Variants in ADGRG6 observed in about 807,000 individuals in gnomAD.
The protein encoded by ADGRG6 is adhesion G protein-coupled receptor G6.
ADGRG6 carries 84 observed loss-of-function variants against 142.4 expected under a neutral mutation model. The ratio of observed to expected loss-of-function variants is 0.59; its 90% CI spans 0.49 to 0.71. ADGRG6 has a LOEUF of 0.71. Among genes scored for constraint, ADGRG6 ranks in the 30% least tolerant of loss-of-function variants. The pLI is 0.00. For synonymous variants in ADGRG6, 521 were observed against 520.5 expected (o/e 1.00, Z -0.01); for missense variants, 1,367 against 1,466.6 (o/e 0.93, Z 1.11).
intron 14 of ADGRG6, 138 bp from the exon 15 acceptor site, chr6:142,405,550 A>G (rs1326000629): frequency 1.4e-6 from 1 of 708,906 alleles, no homozygotes; most frequent in Non-Finnish European, 2.5e-6. Context: ...TGCAGTGACT[A>G]CTGTAGATAC....
chr6:142,308,548 A>T (rs1449283523), intron 1 of ADGRG6, among the ~76,000 whole-genome samples: 1 of 151,910 alleles, frequency 6.6e-6, no homozygotes, highest in African/African-American at 2.4e-5. Flanking sequence ...TGTAACCCTA[A>T]ACTATCTTAT....
chr6:142,351,457 G>C (rs774349387), intron 2 of ADGRG6, among the ~76,000 whole-genome samples: 1 of 152,026 alleles, frequency 6.6e-6, no homozygotes, highest in Non-Finnish European at 1.5e-5. Flanking sequence ...ATGGAGAAAG[G>C]ACTCCCCATT....
chr6:142,318,324 T>TTA (rs1214319785), intron 2 of ADGRG6, among the ~76,000 whole-genome samples: 3 of 93,898 alleles, frequency 3.2e-5, no homozygotes, highest in African/African-American at 1.4e-4. Flanking sequence ...TATTTATATA[T>TTA]TATATATATT....
At chr6:142,436,560 G>C (rs552634720) in intron 22 of ADGRG6, among the ~76,000 whole-genome samples, 1 of 152,078 alleles carries the variant, frequency 6.6e-6, no homozygotes, top group South Asian at 2.1e-4. Flanking sequence ...AAGTTTTATT[G>C]GGAAAAGGAA....
At chr6:142,334,565 T>C (rs868690234) in intron 2 of ADGRG6, among the ~76,000 whole-genome samples, 1 of 152,174 alleles carries the variant, frequency 6.6e-6, no homozygotes, top group African/African-American at 2.4e-5. Flanking sequence ...GACAATAAGA[T>C]GTGCCAACAG....
At chr6:142,302,380 C>T in intron 1 of ADGRG6, 49 bp downstream of exon 1, 1 of 1,600,812 alleles carries the variant, frequency 6.2e-7, no homozygotes, top group Non-Finnish European at 8.5e-7. Context: ...TTATCTGTGT[C>T]CACCTTCTGT....
chr6:142,393,176 G>A (rs1405029624), intron 8 of ADGRG6, among the ~76,000 whole-genome samples, 176 bp downstream of exon 8: 2 of 152,084 alleles, frequency 1.3e-5, no homozygotes, highest in African/African-American at 4.8e-5. Flanking sequence ...CCATGCTGCA[G>A]CGATGGTTTT....
chr6:142,370,152 T>C lies in ADGRG6; in HGVS notation c.446-18T>C, dbSNP rs368846531. On this transcript the variant is annotated intron_variant, in intron 3 of 24. Transcript: ENST00000367609. ...CTGAAGTTAACAGGTTTATCTTTCT[T>C]GTTATGTTTTGTCCTAGTTGCCGTG... 6.4e-7 allele frequency: 1 copy of C among 1,573,584 alleles called. No individual in the cohort carries two copies. Among genetic ancestry groups the C allele is most frequent in the Non-Finnish European group, 8.7e-7 (1 of 1,153,844 alleles).
At chr6:142,341,496 TTA>T (rs1188454267) in intron 2 of ADGRG6, among the ~76,000 whole-genome samples, 2 of 118,240 alleles carry the variant, frequency 1.7e-5, no homozygotes, top group Non-Finnish European at 3.3e-5. Flanking sequence ...CTATATAATA[TTA>T]TATAGTATAT....
intron 23 of ADGRG6, 64 bp from the exon 24 acceptor site, chr6:142,438,148 T>C: frequency 1.9e-6 from 2 of 1,051,208 alleles, no homozygotes; most frequent in Non-Finnish European, 1.4e-6. Context: ...AGTGATGATT[T>C]TTTCAGAGCA....
At chr6:142,315,085 C>T (rs937895305) in intron 2 of ADGRG6, among the ~76,000 whole-genome samples, 8 of 151,376 alleles carry the variant, frequency 5.3e-5, no homozygotes, top group East Asian at 1.9e-4. Context: ...CCAATTTTAG[C>T]GGGTACTTTT....
intron 2 of ADGRG6, among the ~76,000 whole-genome samples, chr6:142,345,049 T>C: frequency 6.6e-6 from 1 of 152,018 alleles, no homozygotes; most frequent in Non-Finnish European, 1.5e-5. Flanking sequence ...GAATTGTGGG[T>C]CATTCAATAA....
intron 2 of ADGRG6, among the ~76,000 whole-genome samples, chr6:142,345,698 AT>A (rs1779866585): frequency 6.6e-6 from 1 of 152,118 alleles, no homozygotes; most frequent in South Asian, 2.1e-4. Context: ...CTAAAAATAT[AT>A]TTTTCCAGTG....
intron 2 of ADGRG6, among the ~76,000 whole-genome samples, chr6:142,317,845 A>G (rs1308025029): frequency 9.5e-5 from 8 of 83,926 alleles, no homozygotes; most frequent in African/African-American, 4.1e-4. Flanking sequence ...ATATTTATAT[A>G]TAATATATAT....
chr6:142,398,590 C>T (rs753201035), intron 10 of ADGRG6, among the ~76,000 whole-genome samples: 39 of 152,258 alleles, frequency 2.6e-4, no homozygotes, highest in African/African-American at 8.4e-4. Flanking sequence ...ACATATGGCA[C>T]GGCTTGTACT....
chr6:142,314,750 G>A (rs1339282389), intron 2 of ADGRG6, among the ~76,000 whole-genome samples: 1 of 152,190 alleles, frequency 6.6e-6, no homozygotes, highest in African/African-American at 2.4e-5. Flanking sequence ...ATCTGGAAGT[G>A]ATAACAGACT....
At chr6:142,320,511 C>A (rs1300832463) in intron 2 of ADGRG6, among the ~76,000 whole-genome samples, 1 of 152,028 alleles carries the variant, frequency 6.6e-6, no homozygotes, top group Non-Finnish European at 1.5e-5. Context: ...TGAAATTTTG[C>A]AACAATGTTC....
intron 11 of ADGRG6, among the ~76,000 whole-genome samples, chr6:142,401,447 G>A (rs1196224572): frequency 6.6e-6 from 1 of 152,098 alleles, no homozygotes; most frequent in Non-Finnish European, 1.5e-5. Flanking sequence ...ATGTATCCTA[G>A]GTTAGGATAC....
intron 2 of ADGRG6, among the ~76,000 whole-genome samples, chr6:142,358,305 G>T (rs756471386): frequency 6.6e-5 from 10 of 152,086 alleles, no homozygotes; most frequent in Non-Finnish European, 1.3e-4. Context: ...CTTTCTTTAG[G>T]TATAATAAAA....
Sources: allele counts gnomAD v4.1 joint callset (sites outside exome capture counted in the v4.1 genomes callset), GRCh38; gene constraint gnomAD v4.1.1; transcripts MANE v1.5; gene names NCBI Gene and HGNC (gene_info 2026-07-23, HGNC 2026-07-21).